PNPLA7: variants seen among roughly 807,000 people sequenced by gnomAD.
The protein encoded by PNPLA7 is patatin-like phospholipase domain-containing protein 7.
In PNPLA7, 153 loss-of-function variants were observed where a neutral mutation model predicts 161.7. The observed-to-expected ratio is 0.95, with a 90% confidence interval of 0.83 to 1.08. PNPLA7 has a LOEUF of 1.08. PNPLA7 is among the 50% of genes least tolerant of loss of function. PNPLA7 has a pLI of 0.00. For missense variants in PNPLA7, 1,739 were observed against 1,856.6 expected, an observed-to-expected ratio of 0.94 and a Z score of 1.16; for synonymous variants, 809 against 782.1, an observed-to-expected ratio of 1.03 and a Z score of -0.57.
At chr9:137,517,563 G>A (rs1370007000) in intron 11 of PNPLA7, among the ~76,000 whole-genome samples, 2 of 90,228 alleles carry the variant, frequency 2.2e-5, no homozygotes, top group Non-Finnish European at 2.4e-5. Flanking sequence ...ACTCCACTCT[G>A]TCCACTCCAT....
Position 137,541,383 on chromosome 9 carries a change from C to T in PNPLA7, c.667-661G>A, listed in dbSNP as rs1288060577. On this transcript the variant is annotated intron_variant, in intron 7 of 34. Transcript: ENST00000406427. The surrounding 1 kb of genome is among the most constrained non-coding windows in gnomAD (Gnocchi z 4.4). ...CCCAAGCCCCTTTCCCTTCTAATAACCCATCAAGTCCAGCCACAGACAAAG... is the reference window on the plus strand; with the variant it reads ...CCCAAGCCCCTTTCCCTTCTAATAATCCATCAAGTCCAGCCACAGACAAAG... The T allele has an allele frequency of 8.2e-6, 8 of 977,460 alleles. No homozygotes were observed. Among genetic ancestry groups the T allele is most frequent in the Non-Finnish European group, 9.7e-6 (8 of 822,670 alleles). The allele number at this position is 977,460 out of a possible 1,614,324, so 60.5% of individuals were successfully genotyped here. A position where few individuals can be genotyped will look rare whatever the true frequency, so the allele number is the denominator to read the frequency against.
intron 15 of PNPLA7, among the ~76,000 whole-genome samples, 166 bp downstream of exon 15, chr9:137,501,484 G>T (rs192174468): frequency 6.6e-6 from 1 of 152,366 alleles, no homozygotes; most frequent in African/African-American, 2.4e-5. Context: ...AGGGCTCAGG[G>T]CTGCCTGAGG....
At position 137,550,227 on chromosome 9, in the gene PNPLA7, G is replaced by A. The variant is rs749429406; in HGVS notation, c.-30C>T. ...AGAAACAGAAAAAACAGTCAGGGGC[G>A]AAAAGCAGACAGCCTGAAGCAAACA... On this transcript the variant is annotated 5_prime_UTR_variant, in exon 1 of 35. Coordinates refer to ENST00000406427, the MANE Select transcript of PNPLA7 (RefSeq NM_001098537.3). 10 of 1,612,884 alleles carry A rather than the reference G, an allele frequency of 6.2e-6. No homozygotes were observed. The highest frequency in any genetic ancestry group is 2.7e-5 in the African/African-American group (2 of 74,932).
At position 137,479,185 on chromosome 9, in the gene PNPLA7, C is replaced by G; in HGVS notation, c.2634G>C (p.Leu878=). 1 of 1,563,826 alleles carries G rather than the reference C, an allele frequency of 6.4e-7. No individual in the cohort carries two copies. The highest frequency in any genetic ancestry group is 8.7e-7 in the Non-Finnish European group (1 of 1,155,190). Residue 878 remains leucine, a synonymous_variant, in exon 24 of 35, where the codon CTG becomes CTC. Transcript: ENST00000406427. ...TAVRAQKQLI[L]LHREEGPAPA... is the part of the protein sequence containing the mutation. ...GCGCCGGGCCCTCCTCCCTGTGCAG[C>G]AGGATCAGCTGCTTCTGGGCACGCA...
chr9:137,465,424 C>T (rs1471465799), intron 26 of PNPLA7, among the ~76,000 whole-genome samples: 1 of 152,206 alleles, frequency 6.6e-6, no homozygotes, highest in Non-Finnish European at 1.5e-5. Context: ...CCCCCCAGCC[C>T]CAGACCCACA....
chr9:137,538,303 GC>G (rs1288553783), intron 8 of PNPLA7, among the ~76,000 whole-genome samples: 2 of 152,034 alleles, frequency 1.3e-5, no homozygotes, highest in Middle Eastern at 3.4e-3. Flanking sequence ...TCCCACCCAC[GC>G]CTCCACCCCA....
intron 29 of PNPLA7, 160 bp downstream of exon 29, chr9:137,463,255 G>C: frequency 1.5e-6 from 1 of 675,334 alleles, no homozygotes; most frequent in Non-Finnish European, 2.5e-6. Flanking sequence ...GCATGTTCTC[G>C]GAGCTCTGAT....
chr9:137,522,218 G>A (rs1029629950), intron 9 of PNPLA7, among the ~76,000 whole-genome samples: 2 of 152,232 alleles, frequency 1.3e-5, no homozygotes, highest in Admixed American at 1.3e-4. Context: ...GGGACTACAG[G>A]CGCCCGCCAC....
At chr9:137,504,009 G>C in intron 14 of PNPLA7, among the ~76,000 whole-genome samples, 1 of 139,898 alleles carries the variant, frequency 7.1e-6, no homozygotes, top group East Asian at 2.3e-4. Context: ...GAAGAAAGAA[G>C]AAGGAAGAAG....
chr9:137,475,533 C>G (rs1194182073), intron 25 of PNPLA7, among the ~76,000 whole-genome samples: 1 of 152,110 alleles, frequency 6.6e-6, no homozygotes, highest in Non-Finnish European at 1.5e-5. Flanking sequence ...CGCCACCAAG[C>G]CTGGCTAATT....
chr9:137,460,963 G>T (rs1182515111), intron 33 of PNPLA7: 5 of 538,456 alleles, frequency 9.3e-6, no homozygotes, highest in Non-Finnish European at 1.7e-5. Flanking sequence ...CTTCCACAAG[G>T]ACAAGGAGCG....
chr9:137,528,260 G>A (rs1019939594), intron 8 of PNPLA7, among the ~76,000 whole-genome samples: 11 of 151,848 alleles, frequency 7.2e-5, no homozygotes, highest in African/African-American at 2.7e-4. Context: ...CTCTTTATTA[G>A]TTTCTTCCAT....
chr9:137,467,356 G>A lies in PNPLA7; in HGVS notation c.3000C>T (p.Asn1000=). ...FVGALYSEER[N]YSQMRIRAKQ... ...TGGCCCGGATCCGCATCTGGCTGTA[G>A]TTCCGCTCCTCAGAGTACAGGGCAC... The change falls in exon 26 of 35, where the codon AAC becomes AAT. Residue 1000 remains asparagine (N), a synonymous_variant. Coordinates refer to ENST00000406427, the MANE Select transcript of PNPLA7 (RefSeq NM_001098537.3). This position sits in a 1 kb window ranked among gnomAD's most constrained non-coding sequence, Gnocchi z 5.1. The A allele has an allele frequency of 6.2e-7, 1 of 1,613,572 alleles. No homozygotes were observed. Among genetic ancestry groups the A allele is most frequent in the Non-Finnish European group, 8.5e-7 (1 of 1,179,980 alleles).
chr9:137,505,880 A>G, intron 13 of PNPLA7, 103 bp downstream of exon 13: 2 of 1,523,592 alleles, frequency 1.3e-6, no homozygotes, highest in Admixed American at 1.8e-5. Context: ...CTGAAGCTGC[A>G]GGTGCCACAT....
chr9:137,545,393 G>C (rs1212126176), intron 4 of PNPLA7, among the ~76,000 whole-genome samples: 1 of 152,172 alleles, frequency 6.6e-6, no homozygotes, highest in African/African-American at 2.4e-5. Context: ...TGGCAGCAGA[G>C]TCAGGAACCT....
At position 137,522,967 on chromosome 9, in the gene PNPLA7, C is replaced by T. The variant is rs750394427; in HGVS notation, c.748-110G>A. The stretch of plus-strand genomic sequence containing the variant: ...AGGCCCCGCCTGCTGCCCAGTCACA[C>T]GGCTCCATTCTCCCTCCCAGGCTGG... On this transcript the variant is annotated intron_variant, in intron 8 of 34. Coordinates refer to ENST00000406427, the MANE Select transcript of PNPLA7 (RefSeq NM_001098537.3). The T allele has an allele frequency of 3.6e-5, 52 of 1,441,410 alleles. No homozygotes were observed. In the Admixed American group the frequency reaches 4.3e-4, roughly 12 times the overall value. 89.3% of individuals were successfully genotyped at this position (1,441,410 alleles called of 1,614,324 possible).
At chr9:137,460,596 G>A in intron 34 of PNPLA7, 38 bp downstream of exon 34, 1 of 1,601,644 alleles carries the variant, frequency 6.2e-7, no homozygotes, top group Non-Finnish European at 8.5e-7. Context: ...CCAAGGCTCA[G>A]CTGTGGGCAC....
In PNPLA7 at chr9:137,515,373, C is replaced by T. The variant is rs916846360; in HGVS notation, c.1225+6G>A. 1 of 1,599,430 alleles carries T rather than the reference C, an allele frequency of 6.3e-7. No individual in the cohort carries two copies. Among genetic ancestry groups the T allele is most frequent in the East Asian group, 2.3e-5 (1 of 44,324 alleles). ...CACTGGCTGGGCAGCCGTCGAGGTT[C>T]TTTACCTTGTGGGGCCGAAGGGTCA... On this transcript the variant is annotated splice_donor_region_variant and intron_variant, in intron 12 of 34. Transcript: ENST00000406427.
At chr9:137,507,481 C>CA in intron 12 of PNPLA7, among the ~76,000 whole-genome samples, 1 of 152,148 alleles carries the variant, frequency 6.6e-6, no homozygotes, top group South Asian at 2.1e-4. Flanking sequence ...ACCAGCCTGA[C>CA]CAACATGGAG....
Sources: allele counts gnomAD v4.1 joint callset (sites outside exome capture counted in the v4.1 genomes callset), GRCh38; gene constraint gnomAD v4.1.1; non-coding constraint Gnocchi (gnomAD v3.1); transcripts MANE v1.5; gene names NCBI Gene and HGNC (gene_info 2026-07-23, HGNC 2026-07-21).